The following RBM23 variants were observed in gnomAD, a reference collection of about 807,000 sequenced individuals.
RBM23 encodes probable RNA-binding protein 23.
A neutral mutation model predicts 56.2 loss-of-function variants in RBM23; 53 were observed. That is an observed-to-expected ratio of 0.94 (90% CI 0.76 to 1.19). The LOEUF is 1.19. Ranked by LOEUF, RBM23 falls within the 50% of genes most tolerant of loss-of-function variation. RBM23 has a pLI of 0.00. For synonymous variants in RBM23, 197 were observed against 198.5 expected (o/e 0.99, Z 0.06); for missense variants, 642 against 590.3 (o/e 1.09, Z -0.91).
chr14:22,899,231 T>C lies in RBM23; in HGVS notation c.*2499A>G, dbSNP rs1422786992. 1 of 152,218 alleles carries C rather than the reference T, an allele frequency of 6.6e-6. No individual in the cohort carries two copies. The highest frequency in any genetic ancestry group is 1.9e-4 in the East Asian group (1 of 5,202). 9.4% of individuals were successfully genotyped at this position (152,218 alleles called of 1,614,324 possible). ...GTCACTATCACACAGCAGGTTATCA[T>C]GAGAGAGGGCTGTTATAAAGCAAGT... is the stretch of plus-strand genomic sequence containing the variant. On this transcript the variant is annotated 3_prime_UTR_variant, in exon 14 of 14. Transcript: ENST00000359890.
intron 5 of RBM23, 74 bp from the exon 6 acceptor site, chr14:22,905,733 A>C: frequency 8.5e-7 from 1 of 1,175,834 alleles, no homozygotes; most frequent in South Asian, 1.3e-5. Context: ...ATGGTGAGAA[A>C]ACCAGATTCC....
chr14:22,899,300 T>C lies in RBM23; in HGVS notation c.*2430A>G, dbSNP rs572015289. On this transcript the variant is annotated 3_prime_UTR_variant, in exon 14 of 14. Coordinates refer to ENST00000359890, the MANE Select transcript of RBM23 (RefSeq NM_001077351.2). ...GTCTCATGTACTCATTTCTACCTTGTGCCCTTCTGACATGGGATGACCCCC... is the reference window on the plus strand; with the variant it reads ...GTCTCATGTACTCATTTCTACCTTGCGCCCTTCTGACATGGGATGACCCCC... The C allele has an allele frequency of 6.6e-6, 1 of 152,396 alleles. No individual in the cohort carries two copies. Among genetic ancestry groups the C allele is most frequent in the South Asian group, 2.1e-4 (1 of 4,828 alleles). The allele number at this position is 152,396 out of a possible 1,614,324, so 9.4% of individuals were successfully genotyped here.
At chr14:22,910,308 A>T (rs1270608328) in intron 2 of RBM23, among the ~76,000 whole-genome samples, 2 of 149,296 alleles carry the variant, frequency 1.3e-5, no homozygotes, top group African/African-American at 4.9e-5. Flanking sequence ...AAAAAGACAA[A>T]ATTAGCCAGG....
intron 9 of RBM23, 62 bp from the exon 10 acceptor site, chr14:22,904,388 A>C (rs1283424589): frequency 2.1e-5 from 27 of 1,313,718 alleles, no homozygotes; most frequent in South Asian, 2.6e-5. Flanking sequence ...AATCTTTCCT[A>C]CCCAGACTGC....
chr14:22,897,988 G>A lies in RBM23; in HGVS notation c.*3742C>T, dbSNP rs2040275408. On this transcript the variant is annotated 3_prime_UTR_variant, in exon 14 of 14. Transcript: ENST00000359890. ...CATAAATGTTAACAATGACCATTAT[G>A]CCACCTCCTGTCACCTCACCTTTCA... is the stretch of plus-strand genomic sequence containing the variant. 1 of 152,182 alleles carries A rather than the reference G, an allele frequency of 6.6e-6. No individual in the cohort carries two copies. Among genetic ancestry groups the A allele is most frequent in the Non-Finnish European group, 1.5e-5 (1 of 68,044 alleles). 9.4% of individuals were successfully genotyped at this position (152,182 alleles called of 1,614,324 possible). A position where few individuals can be genotyped will look rare whatever the true frequency, so the allele number is the denominator to read the frequency against.
At chr14:22,903,195 G>A in intron 10 of RBM23, 2 of 985,540 alleles carry the variant, frequency 2.0e-6, no homozygotes, top group South Asian at 4.7e-5. Context: ...CACAAGAGCT[G>A]TTGACTAAGT....
intron 1 of RBM23, 97 bp from the exon 2 acceptor site, chr14:22,911,500 G>T: frequency 1.0e-6 from 1 of 961,550 alleles, no homozygotes; most frequent in Non-Finnish European, 1.6e-6. Flanking sequence ...AGAGACTTCA[G>T]GATATACAGA....
rs2040258470 is a variant in RBM23 at position 22,896,979 on chromosome 14, T to G, written c.*4751A>C. The G allele has an allele frequency of 1.3e-5, 2 of 152,186 alleles. No homozygotes were observed. The highest frequency in any genetic ancestry group is 2.9e-5 in the Non-Finnish European group (2 of 68,034). 9.4% of individuals were successfully genotyped at this position (152,186 alleles called of 1,614,324 possible). ...CCTGGTTGCCATGGAAACATCAGTC[T>G]CTGGTGGATGGCAAGCAGCACTTTA... On this transcript the variant is annotated 3_prime_UTR_variant, in exon 14 of 14. Transcript: ENST00000359890.
At chr14:22,906,409 T>C (rs375403391) in intron 4 of RBM23, 41 bp from the exon 5 acceptor site, 27 of 1,605,608 alleles carry the variant, frequency 1.7e-5, no homozygotes, top group South Asian at 5.5e-5. Context: ...ACATCATGTT[T>C]AGGCCAACAA....
At chr14:22,913,390 G>T (rs1263981378) in intron 1 of RBM23, among the ~76,000 whole-genome samples, 1 of 149,706 alleles carries the variant, frequency 6.7e-6, no homozygotes, top group Non-Finnish European at 1.5e-5. Flanking sequence ...CTCCAACCTG[G>T]GCGACAGAGC....
chr14:22,915,478 C>A (rs1048163858), intron 1 of RBM23, among the ~76,000 whole-genome samples: 1 of 148,196 alleles, frequency 6.7e-6, no homozygotes, highest in Admixed American at 6.8e-5. Flanking sequence ...GGATTACAGG[C>A]ATAAGCCCCA....
chr14:22,918,698 C>T (rs1228589450), intron 1 of RBM23, among the ~76,000 whole-genome samples: 1 of 152,050 alleles, frequency 6.6e-6, no homozygotes, highest in Admixed American at 6.6e-5. Context: ...CCAGTGTGGG[C>T]GACCCTAAGT....
chr14:22,917,769 A>G (rs1349642093), intron 1 of RBM23: 1 of 152,114 alleles, frequency 6.6e-6, no homozygotes, highest in East Asian at 1.9e-4. Context: ...AGGTCCACTC[A>G]ATCTCATCCA....
intron 5 of RBM23, 151 bp from the exon 6 acceptor site, chr14:22,905,810 G>A (rs763537542): frequency 7.7e-6 from 5 of 650,908 alleles, no homozygotes; most frequent in African/African-American, 3.6e-5. Context: ...GTGCAGTGGC[G>A]CCATCTCGGG....
At position 22,906,241 on chromosome 14, in the gene RBM23, G is replaced by A. The variant is rs750729529; in HGVS notation, c.355C>T (p.Arg119Cys). Residue 119 changes from arginine to cysteine, a missense_variant, in exon 5 of 14, where the codon CGT becomes TGT. Arg to Cys is a radical substitution (Grantham distance 180). Coordinates refer to ENST00000359890, the MANE Select transcript of RBM23 (RefSeq NM_001077351.2). Reference protein sequence around the residue: ...HGSESRSRDHRREDRVHYRSP... With the variant: ...HGSESRSRDHCREDRVHYRSP... ...CTGTAATGCACACGATCCTCACGAC[G>A]ATGGTCCCGACTTCGCGACTCACTA... The A allele has an allele frequency of 6.2e-6, 10 of 1,614,094 alleles. No individual in the cohort carries two copies. The African/African-American group carries it at 8.0e-5, about 13-fold the overall frequency.
intron 1 of RBM23, among the ~76,000 whole-genome samples, chr14:22,914,700 T>G (rs1439180606): frequency 6.6e-6 from 1 of 152,002 alleles, no homozygotes; most frequent in African/African-American, 2.4e-5. Flanking sequence ...AAGAACTTTG[T>G]TGGCCAGCCG....
At chr14:22,901,956 T>C in intron 12 of RBM23, 24 bp downstream of exon 12, 3 of 1,611,338 alleles carry the variant, frequency 1.9e-6, no homozygotes, top group South Asian at 1.1e-5. Context: ...AAACCTTCCC[T>C]TCCTTTCCCA....
chr14:22,916,813 T>C (rs193076389), intron 1 of RBM23, among the ~76,000 whole-genome samples: 1 of 152,276 alleles, frequency 6.6e-6, no homozygotes, highest in Admixed American at 6.5e-5. Context: ...GTACAGTGTA[T>C]GCTTAAAGGT....
chr14:22,905,240 C>T lies in RBM23; in HGVS notation c.580G>A (p.Asp194Asn), dbSNP rs187229917. 2.7e-5 allele frequency: 44 copies of T among 1,614,132 alleles called. No homozygotes were observed. Among genetic ancestry groups the T allele is most frequent in the East Asian group, 8.9e-5 (4 of 44,876 alleles). ...TTCCGATCTGAGATGATACGTACAT[C>T]GCGAACCTATCCAGGACGCAAAAGA... ...DFFSAVGKVR[D>N]VRIISDRNSR... Residue 194 changes from aspartate to asparagine, a missense_variant, in exon 8 of 14, where the codon GAT becomes AAT. Transcript: ENST00000359890.
Sources: allele counts gnomAD v4.1 joint callset (sites outside exome capture counted in the v4.1 genomes callset), GRCh38; gene constraint gnomAD v4.1.1; transcripts MANE v1.5; gene names NCBI Gene and HGNC (gene_info 2026-07-23, HGNC 2026-07-21).